Variants in NRG1 observed in about 807,000 individuals in gnomAD.
The protein encoded by NRG1 is neuregulin 1, also known as pro-neuregulin-1, membrane-bound isoform.
A neutral mutation model predicts 63.8 loss-of-function variants in NRG1; 18 were observed. That is an observed-to-expected ratio of 0.28 (90% CI 0.19 to 0.42). The LOEUF is 0.42. Among genes scored for constraint, NRG1 ranks in the 10% least tolerant of loss-of-function variants. The pLI is 1.00. For synonymous variants in NRG1, 302 were observed against 301.3 expected (o/e 1.00, Z -0.02); for missense variants, 762 against 814.7 (o/e 0.94, Z 0.79).
chr8:31,769,400 G>T (rs991167147), intron 1 of NRG1, among the ~76,000 whole-genome samples: 3 of 152,138 alleles, frequency 2.0e-5, no homozygotes, highest in South Asian at 4.1e-4. Context: ...GTTTTCAAGA[G>T]GGCATGGCTT....
intron 1 of NRG1, among the ~76,000 whole-genome samples, chr8:32,274,093 A>T (rs1157755534): frequency 6.6e-6 from 1 of 152,210 alleles, no homozygotes; most frequent in Non-Finnish European, 1.5e-5. Flanking sequence ...ATCAATCCTA[A>T]GCCAGAAATC....
chr8:32,192,507 C>T (rs765620125), intron 1 of NRG1, among the ~76,000 whole-genome samples: 2 of 151,996 alleles, frequency 1.3e-5, no homozygotes, highest in Non-Finnish European at 2.9e-5. Flanking sequence ...CCGTATGCCA[C>T]GTGTTCTCAC....
At chr8:32,423,089 C>G (rs890552996) in intron 1 of NRG1, among the ~76,000 whole-genome samples, 1 of 152,196 alleles carries the variant, frequency 6.6e-6, no homozygotes, top group East Asian at 1.9e-4. Flanking sequence ...TCTAGAGGAG[C>G]ATCTTGGAAA....
chr8:32,171,112 C>CTG (rs1270834196), intron 1 of NRG1, among the ~76,000 whole-genome samples: 1 of 152,048 alleles, frequency 6.6e-6, no homozygotes, highest in Non-Finnish European at 1.5e-5. Context: ...GATATTTTTT[C>CTG]TGTGTGTGTG....
At chr8:32,451,211 T>C (rs1820903359) in intron 1 of NRG1, among the ~76,000 whole-genome samples, 1 of 152,210 alleles carries the variant, frequency 6.6e-6, no homozygotes, top group East Asian at 1.9e-4. Context: ...AAATCTCTTT[T>C]CTAACTCTCT....
intron 1 of NRG1, among the ~76,000 whole-genome samples, chr8:31,881,585 A>G (rs1447986252): frequency 6.6e-6 from 1 of 152,228 alleles, no homozygotes; most frequent in Non-Finnish European, 1.5e-5. Flanking sequence ...AGCTTAATAA[A>G]GAAGGCATGT....
chr8:32,045,018 A>G (rs1383293420), intron 1 of NRG1, among the ~76,000 whole-genome samples: 2 of 151,624 alleles, frequency 1.3e-5, no homozygotes, highest in African/African-American at 2.4e-5. Context: ...GAACAAATTA[A>G]TGAAACCAAC....
At chr8:32,200,931 G>GTAGTCT (rs1176570446) in intron 1 of NRG1, among the ~76,000 whole-genome samples, 1 of 152,094 alleles carries the variant, frequency 6.6e-6, no homozygotes, top group African/African-American at 2.4e-5. Flanking sequence ...GCAACAGAGA[G>GTAGTCT]GGACCAGGTA....
chr8:32,316,096 G>A (rs1282260950), intron 1 of NRG1, among the ~76,000 whole-genome samples: 4 of 152,114 alleles, frequency 2.6e-5, no homozygotes, highest in Non-Finnish European at 4.4e-5. Context: ...ATGAAAAACT[G>A]TGTTTGTCTT....
At chr8:32,275,075 T>C (rs1851948283) in intron 1 of NRG1, among the ~76,000 whole-genome samples, 1 of 152,050 alleles carries the variant, frequency 6.6e-6, no homozygotes, top group African/African-American at 2.4e-5. Context: ...CCACAGTTCA[T>C]TTCCAGGCAG....
At chr8:31,830,825 T>G (rs1360060167) in intron 1 of NRG1, among the ~76,000 whole-genome samples, 1 of 152,148 alleles carries the variant, frequency 6.6e-6, no homozygotes, top group Non-Finnish European at 1.5e-5. Flanking sequence ...TTAGGTCATA[T>G]GCCTATCACT....
chr8:32,060,015 GT>G (rs1192778821), intron 1 of NRG1, among the ~76,000 whole-genome samples: 1 of 151,760 alleles, frequency 6.6e-6, no homozygotes, highest in African/African-American at 2.4e-5. Flanking sequence ...CAACAACTGT[GT>G]TTTTAGTTTC....
intron 1 of NRG1, among the ~76,000 whole-genome samples, chr8:32,242,254 T>A (rs1287678964): frequency 1.3e-5 from 2 of 152,032 alleles, no homozygotes; most frequent in African/African-American, 2.4e-5. Context: ...GGCAGCTGGA[T>A]CATGAGGTCA....
Position 32,261,670 on chromosome 8 carries a change from C to T in NRG1, c.38-334158C>T, listed in dbSNP as rs373536984. ...AGGACCAACAGTTGCGCTTTTAACACCTCCACTCCCCCCTTGTATTGGACG... is the reference window on the plus strand; with the variant it reads ...AGGACCAACAGTTGCGCTTTTAACATCTCCACTCCCCCCTTGTATTGGACG... On this transcript the variant is annotated intron_variant, in intron 1 of 10. Transcript: ENST00000519301. 3.9e-5 allele frequency among the ~76,000 whole-genome samples: 6 copies of T among 152,172 alleles called. No homozygotes were observed. The East Asian group carries it at 9.6e-4, about 24-fold the overall frequency.
intron 1 of NRG1, among the ~76,000 whole-genome samples, chr8:31,775,942 T>A (rs982669996): frequency 6.8e-5 from 10 of 146,562 alleles, no homozygotes; most frequent in Non-Finnish European, 1.4e-4. Flanking sequence ...ATTATTGGAA[T>A]ATGAAGCATT....
intron 1 of NRG1, among the ~76,000 whole-genome samples, chr8:32,190,894 G>A (rs192562984): frequency 6.6e-6 from 1 of 152,266 alleles, no homozygotes; most frequent in East Asian, 1.9e-4. Flanking sequence ...TAATAGGGGA[G>A]AGTTGAGTTT....
chr8:31,784,705 C>G (rs1820016201), intron 1 of NRG1, among the ~76,000 whole-genome samples: 1 of 152,176 alleles, frequency 6.6e-6, no homozygotes, highest in Non-Finnish European at 1.5e-5. Flanking sequence ...TTCTCAGCAC[C>G]TGTGATGCCA....
At chr8:31,795,479 T>C (rs1383108534) in intron 1 of NRG1, among the ~76,000 whole-genome samples, 1 of 152,184 alleles carries the variant, frequency 6.6e-6, no homozygotes, top group African/African-American at 2.4e-5. Context: ...AGAGAGCATG[T>C]CTTCCGGGAG....
chr8:32,387,791 T>C (rs756266465), intron 1 of NRG1, among the ~76,000 whole-genome samples: 46 of 152,246 alleles, frequency 3.0e-4, no homozygotes, highest in Non-Finnish European at 6.2e-4. Flanking sequence ...TCCCGGTGGC[T>C]TTCTGAGTCT....
Sources: allele counts gnomAD v4.1 joint callset (sites outside exome capture counted in the v4.1 genomes callset), GRCh38; gene constraint gnomAD v4.1.1; transcripts MANE v1.5; gene names NCBI Gene and HGNC (gene_info 2026-07-23, HGNC 2026-07-21).